The following CD22 variants were observed in gnomAD, a reference collection of about 807,000 sequenced individuals.
CD22 encodes B-cell receptor CD22.
In CD22, 51 loss-of-function variants were observed where a neutral mutation model predicts 94.7. That is an observed-to-expected ratio of 0.54 (90% confidence interval 0.43 to 0.68). The LOEUF (loss-of-function observed/expected upper bound fraction) is 0.68. CD22 is among the 30% of genes least tolerant of loss of function. The pLI, the probability that CD22 is intolerant of heterozygous loss-of-function variation, is 0.00. For missense variants in CD22, 931 were observed against 1,060.4 expected (o/e 0.88, Z 1.69); for synonymous variants, 424 against 422.5 (o/e 1.00, Z -0.04).
At position 35,337,627 on chromosome 19, in the gene CD22, A is replaced by T; in HGVS notation, c.719-128A>T. ...GGGGGAAGCTGAGAGCCGAGTTAGG[A>T]GGCTGTGACCATCACCTGGGTGAAG... On this transcript the variant is annotated intron_variant, in intron 4 of 13. Coordinates refer to ENST00000085219, the MANE Select transcript of CD22 (RefSeq NM_001771.4). This position sits in a 1 kb window ranked among gnomAD's most constrained non-coding sequence, Gnocchi z 4.4. 1 of 780,612 alleles carries T rather than the reference A, an allele frequency of 1.3e-6. No individual in the cohort carries two copies. The highest frequency in any genetic ancestry group is 2.0e-6 in the Non-Finnish European group (1 of 499,360). The allele number at this position is 780,612 out of a possible 1,614,324, so 48.4% of individuals were successfully genotyped here.
intron 2 of CD22, 186 bp from the exon 3 acceptor site, chr19:35,332,361 C>A: frequency 1.4e-6 from 1 of 694,678 alleles, no homozygotes; most frequent in Non-Finnish European, 2.3e-6. Flanking sequence ...CCTGAAATCT[C>A]AGCACTTTGT....
In CD22 at chr19:35,337,697, A is replaced by G; in HGVS notation, c.719-58A>G. 8 of 1,474,080 alleles carry G rather than the reference A, an allele frequency of 5.4e-6. No individual in the cohort carries two copies. Among genetic ancestry groups the G allele is most frequent in the Non-Finnish European group, 7.4e-6 (8 of 1,082,994 alleles). The allele number at this position is 1,474,080 out of a possible 1,614,324, so 91.3% of individuals were successfully genotyped here. On this transcript the variant is annotated intron_variant, in intron 4 of 13. Coordinates refer to ENST00000085219, the MANE Select transcript of CD22 (RefSeq NM_001771.4). The surrounding 1 kb of genome is among the most constrained non-coding windows in gnomAD (Gnocchi z 4.4). Reference sequence around the variant, plus strand: ...TTGTCAGAATAAAAGCACTTTCCACACCCTCCACCCTCTGAGGATTCCCCG... The same window carrying G: ...TTGTCAGAATAAAAGCACTTTCCACGCCCTCCACCCTCTGAGGATTCCCCG...
rs531709856 is a variant in CD22, at chr19:35,337,403, G to A, written c.719-352G>A. On this transcript the variant is annotated intron_variant, in intron 4 of 13. Coordinates refer to ENST00000085219, the MANE Select transcript of CD22 (RefSeq NM_001771.4). The surrounding 1 kb of genome is among the most constrained non-coding windows in gnomAD (Gnocchi z 4.4). ...AGGACCTCAGAGGCTGAAGTTCACC[G>A]CCTCTGAGGGCCACATGGTAGGACA... Among the ~76,000 whole-genome samples the A allele has an allele frequency of 2.5e-4, 38 of 152,222 alleles. No individual in the cohort carries two copies. In the East Asian group the frequency reaches 7.2e-3, roughly 29 times the overall value.
intron 3 of CD22, among the ~76,000 whole-genome samples, chr19:35,335,563 A>ACAACAACACAACAACAAC: frequency 6.6e-6 from 1 of 150,504 alleles, no homozygotes; most frequent in Non-Finnish European, 1.5e-5. Context: ...TCTCTAAAGA[A>ACAACAACACAACAACAAC]AAAAAGAGGC....
rs74466487 is a variant in CD22, at chr19:35,346,194, G to T, written c.2371G>T (p.Asp791Tyr). 397 of 1,614,080 alleles carry T rather than the reference G, an allele frequency of 2.5e-4. 3 individuals carry two copies. The African/African-American group carries it at 4.9e-3, about 20-fold the overall frequency. Residue 791 changes from aspartate to tyrosine, a missense_variant, in exon 13 of 14, where the codon GAT becomes TAT. By Grantham distance (160) the Asp-to-Tyr change is radical. Transcript: ENST00000085219. ...SEMQRPPPDC[D>Y]DTVTYSALHK... ...GATGCAGAGACCTCCCCCGGACTGC[G>T]ATGACACGGTCACTTATTCAGCATT...
intron 6 of CD22, among the ~76,000 whole-genome samples, chr19:35,340,662 C>T (rs569256153): frequency 2.6e-5 from 4 of 152,364 alleles, no homozygotes; most frequent in South Asian, 2.1e-4. Flanking sequence ...GGCTTCAGCG[C>T]TGTGCCCTGA....
At chr19:35,336,454 C>T in intron 4 of CD22, 113 bp downstream of exon 4, 1 of 989,334 alleles carries the variant, frequency 1.0e-6, no homozygotes, top group Non-Finnish European at 1.5e-6. Context: ...CGGCGGCATC[C>T]TCCAGCCCTG....
At position 35,346,735 on chromosome 19, in the gene CD22, G is replaced by A. The variant is rs190664683; in HGVS notation, c.*38G>A. ...TGCAGCAGAGGCACTGGGGGCAGCGGGGGCCAGGGAAGTCCCCGAGTTTCC... is the reference window on the plus strand; with the variant it reads ...TGCAGCAGAGGCACTGGGGGCAGCGAGGGCCAGGGAAGTCCCCGAGTTTCC... On this transcript the variant is annotated 3_prime_UTR_variant, in exon 14 of 14. Coordinates refer to ENST00000085219, the MANE Select transcript of CD22 (RefSeq NM_001771.4). 70 of 1,565,954 alleles carry A rather than the reference G, an allele frequency of 4.5e-5. No homozygotes were observed. Among genetic ancestry groups the A allele is most frequent in the Non-Finnish European group, 5.9e-5 (68 of 1,154,502 alleles).
chr19:35,332,157 G>A (rs1406354511), intron 2 of CD22, 83 bp downstream of exon 2: 1 of 1,527,026 alleles, frequency 6.5e-7, no homozygotes, highest in South Asian at 1.1e-5. Context: ...AGGCAGAGAG[G>A]CGTCAACATA....
chr19:35,346,435 A>G (rs752618576), intron 13 of CD22, 131 bp from the exon 14 acceptor site: 5 of 1,304,914 alleles, frequency 3.8e-6, no homozygotes, highest in East Asian at 2.5e-5. Context: ...GGCCACAGCC[A>G]GTTTCCTGAC....
At chr19:35,333,076 TA>T in intron 3 of CD22, 152 bp downstream of exon 3, 1 of 718,332 alleles carries the variant, frequency 1.4e-6, no homozygotes, top group Non-Finnish European at 2.2e-6. Flanking sequence ...GCAGCAGCAC[TA>T]GACAGAGCTG....
chr19:35,332,668 C>T lies in CD22; in HGVS notation c.156C>T (p.Asp52=), dbSNP rs758941910. The change falls in exon 3 of 14, where the codon GAC becomes GAT. Residue 52 remains aspartate (D), a synonymous_variant. Coordinates refer to ENST00000085219, the MANE Select transcript of CD22 (RefSeq NM_001771.4). ...IPCTYRALDG[D]LESFILFHNP... ...GCACCTACAGAGCCCTAGATGGTGACCTGGAAAGCTTCATCCTGTTCCACA... is the reference window on the plus strand; with the variant it reads ...GCACCTACAGAGCCCTAGATGGTGATCTGGAAAGCTTCATCCTGTTCCACA... 1.5e-5 allele frequency: 24 copies of T among 1,613,914 alleles called. No homozygotes were observed. The highest frequency in any genetic ancestry group is 2.0e-5 in the Non-Finnish European group (24 of 1,180,026).
At chr19:35,329,451 G>A (rs761211010) in intron 1 of CD22, 2 of 365,468 alleles carry the variant, frequency 5.5e-6, no homozygotes, top group East Asian at 1.5e-4. Context: ...TGGATGCCCA[G>A]GAGGGAAGAA....
chr19:35,345,558 T>C (rs1322151745), intron 11 of CD22, 44 bp from the exon 12 acceptor site: 1 of 1,252,208 alleles, frequency 8.0e-7, no homozygotes, highest in Middle Eastern at 1.9e-4. Flanking sequence ...GGGACGAGGG[T>C]TGGGGAACAG....
At chr19:35,339,682 C>G (rs536257003) in intron 6 of CD22, among the ~76,000 whole-genome samples, 4 of 152,240 alleles carry the variant, frequency 2.6e-5, no homozygotes, top group African/African-American at 4.8e-5. Flanking sequence ...ATGGCGAAAC[C>G]CTGTCTCTAC....
intron 6 of CD22, among the ~76,000 whole-genome samples, chr19:35,339,623 A>G (rs2066778007): frequency 1.3e-5 from 2 of 152,188 alleles, no homozygotes; most frequent in Non-Finnish European, 2.9e-5. Context: ...TGGGAGGCCA[A>G]GGTGGGCAGA....
chr19:35,337,718 C>A lies in CD22; in HGVS notation c.719-37C>A. The A allele has an allele frequency of 6.4e-7, 1 of 1,553,882 alleles. No homozygotes were observed. The highest frequency in any genetic ancestry group is 1.2e-5 in the South Asian group (1 of 83,026). On this transcript the variant is annotated intron_variant, in intron 4 of 13. Transcript: ENST00000085219. The surrounding 1 kb of genome is among the most constrained non-coding windows in gnomAD (Gnocchi z 4.4). Reference sequence around the variant, plus strand: ...CCACACCCTCCACCCTCTGAGGATTCCCCGCCCCCTCCCCGACTGCCCCTC... The same window carrying A: ...CCACACCCTCCACCCTCTGAGGATTACCCGCCCCCTCCCCGACTGCCCCTC...
intron 11 of CD22, 43 bp downstream of exon 11, chr19:35,345,169 G>C: frequency 1.9e-6 from 3 of 1,569,920 alleles, no homozygotes; most frequent in Non-Finnish European, 2.6e-6. Context: ...TGTAATCCCA[G>C]CACTTTGGGA....
Position 35,337,774 on chromosome 19 carries a change from C to G in CD22, c.738C>G (p.Ile246Met). 6.2e-7 allele frequency: 1 copy of G among 1,602,222 alleles called. No homozygotes were observed. Among genetic ancestry groups the G allele is most frequent in the Middle Eastern group, 1.7e-4 (1 of 6,020 alleles). ...LNVKHTPKLE[I>M]KVTPSDAIVR... ...CTCCAGACACCCCGAAGTTGGAGAT[C>G]AAGGTCACTCCCAGTGATGCCATAG... The change falls in exon 5 of 14, where the codon ATC becomes ATG. Residue 246 changes from isoleucine (I) to methionine (M), a missense_variant. Transcript: ENST00000085219. This position sits in a 1 kb window ranked among gnomAD's most constrained non-coding sequence, Gnocchi z 4.4.
Sources: allele counts gnomAD v4.1 joint callset (sites outside exome capture counted in the v4.1 genomes callset), GRCh38; gene constraint gnomAD v4.1.1; non-coding constraint Gnocchi (gnomAD v3.1); transcripts MANE v1.5; gene names NCBI Gene and HGNC (gene_info 2026-07-23, HGNC 2026-07-21).